SPEF2: variants seen among roughly 807,000 people sequenced by gnomAD.
SPEF2 encodes sperm flagella and cilia-associated protein 2.
In SPEF2, 187 loss-of-function variants were observed where a neutral mutation model predicts 224.6. The observed-to-expected ratio is 0.83, with a 90% CI of 0.74 to 0.94. The LOEUF is 0.94. Among genes scored for constraint, SPEF2 ranks in the 40% least tolerant of loss-of-function variants. The pLI is 0.00. For missense variants in SPEF2, 2,170 were observed against 2,135.6 expected, an observed-to-expected ratio of 1.02 and a Z score of -0.32; for synonymous variants, 715 against 707.3, an observed-to-expected ratio of 1.01 and a Z score of -0.17.
chr5:35,661,450 G>T (rs1304653135), intron 8 of SPEF2, among the ~76,000 whole-genome samples: 1 of 150,280 alleles, frequency 6.7e-6, no homozygotes, highest in Non-Finnish European at 1.5e-5. Flanking sequence ...TAAGTTCAGG[G>T]GTATAAGTGC....
At chr5:35,788,673 G>T (rs747353752) in intron 30 of SPEF2, 2 of 703,008 alleles carry the variant, frequency 2.8e-6, no homozygotes, top group South Asian at 3.0e-5. Context: ...GTTGGTTTTG[G>T]AAGTGATGGT....
At chr5:35,709,225 A>G in intron 19 of SPEF2, 104 bp downstream of exon 19, 1 of 1,533,112 alleles carries the variant, frequency 6.5e-7, no homozygotes, top group Non-Finnish European at 8.7e-7. Context: ...GGGCAACTTC[A>G]ATCATATGAA....
At chr5:35,702,412 T>C (rs1738832443) in intron 16 of SPEF2, 1 of 429,618 alleles carries the variant, frequency 2.3e-6, no homozygotes, top group Non-Finnish European at 4.7e-6. Flanking sequence ...TGCATTGGAA[T>C]GGAAGAGGAG....
chr5:35,767,618 A>G (rs1561332688), intron 26 of SPEF2, among the ~76,000 whole-genome samples: 1 of 152,110 alleles, frequency 6.6e-6, no homozygotes, highest in Non-Finnish European at 1.5e-5. Context: ...CAAAGAAAAG[A>G]GGGCAGAAAA....
rs752363740 is a variant in SPEF2 at position 35,705,753 on chromosome 5, A to G, written c.2610A>G (p.Leu870=). The G allele has an allele frequency of 1.3e-5, 21 of 1,555,832 alleles. No homozygotes were observed. The highest frequency in any genetic ancestry group is 1.8e-5 in the Non-Finnish European group (21 of 1,145,284). The change falls in exon 18 of 37, where the codon TTA becomes TTG. Residue 870 remains leucine, a synonymous_variant. Transcript: ENST00000356031. ...ATGCTGAAATAGATAAGGAATCTTT[A>G]TGTGAAAAAGTAAAAGAAATTCTTA... The part of the protein sequence containing the change: ...KINAEIDKES[L]CEKVKEILTT...
In SPEF2 at chr5:35,763,569, C is replaced by G. The variant is rs557514205; in HGVS notation, c.3668C>G (p.Pro1223Arg). 1 of 1,612,432 alleles carries G rather than the reference C, an allele frequency of 6.2e-7. No individual in the cohort carries two copies. Among genetic ancestry groups the G allele is most frequent in the East Asian group, 2.2e-5 (1 of 44,820 alleles). The change falls in exon 26 of 37, where the codon CCC becomes CGC. Residue 1223 changes from proline (P) to arginine (R), a missense_variant. Transcript: ENST00000356031. ...RISISLETVT[P>R]KPKTKSVLKG... ...TCCATTTCTCTGGAAACAGTTACAC[C>G]CAAACCAAAAACAAAATCAGTACTG...
chr5:35,734,744 A>C (rs1580503113), intron 21 of SPEF2, among the ~76,000 whole-genome samples: 4 of 118,446 alleles, frequency 3.4e-5, no homozygotes, highest in Admixed American at 2.3e-4. Context: ...ACAGAGTCTC[A>C]CTCTGTCACC....
chr5:35,629,190 G>A (rs1357223434), intron 2 of SPEF2, among the ~76,000 whole-genome samples: 1 of 87,932 alleles, frequency 1.1e-5, no homozygotes, highest in Non-Finnish European at 2.0e-5. Context: ...GACTTGCTCT[G>A]TTGCCCAGGT....
At chr5:35,691,350 C>T (rs1227828953) in intron 11 of SPEF2, 94 bp downstream of exon 11, 1 of 955,758 alleles carries the variant, frequency 1.0e-6, no homozygotes, top group African/African-American at 1.6e-5. Context: ...ATACAAGAAG[C>T]ACTGCTGATA....
chr5:35,714,560 A>G (rs1348990444), intron 20 of SPEF2, among the ~76,000 whole-genome samples: 1 of 151,558 alleles, frequency 6.6e-6, no homozygotes, highest in Admixed American at 6.6e-5. Context: ...TGACATTCGT[A>G]TTTGGTATTT....
In SPEF2 at chr5:35,712,854, G is replaced by A. The variant is rs776530795; in HGVS notation, c.2882G>A (p.Gly961Glu). ...GKQESLQEGKGKKGETALKRK... is the reference protein window; with the variant it reads ...GKQESLQEGKEKKGETALKRK... ...CAAGAATCTCTTCAGGAAGGAAAAG[G>A]GAAGAAAGGTGAGACCGCACTCAAA... Residue 961 changes from glycine (G) to glutamate (E), a missense_variant, in exon 20 of 37, where the codon GGG (glycine) becomes GAG (glutamate). Physicochemically the swap from Gly to Glu is moderately conservative, Grantham distance 98. Transcript: ENST00000356031. The A allele has an allele frequency of 6.2e-7, 1 of 1,613,712 alleles. No homozygotes were observed. Among genetic ancestry groups the A allele is most frequent in the Admixed American group, 1.7e-5 (1 of 60,000 alleles).
At chr5:35,775,837 G>A (rs998144488) in intron 28 of SPEF2, among the ~76,000 whole-genome samples, 4 of 152,238 alleles carry the variant, frequency 2.6e-5, no homozygotes, top group African/African-American at 7.2e-5. Flanking sequence ...TGCCAGGATC[G>A]GTAATAGGCC....
At chr5:35,780,775 T>G (rs1181908462) in intron 30 of SPEF2, among the ~76,000 whole-genome samples, 1 of 152,174 alleles carries the variant, frequency 6.6e-6, no homozygotes, top group Non-Finnish European at 1.5e-5. Context: ...TACACTCTGG[T>G]GACTGGGAGG....
At chr5:35,768,900 T>A (rs1444889618) in intron 26 of SPEF2, among the ~76,000 whole-genome samples, 1 of 152,200 alleles carries the variant, frequency 6.6e-6, no homozygotes, top group African/African-American at 2.4e-5. Flanking sequence ...CACAGCAGTT[T>A]TACCAGGAGC....
rs116285704 is a variant in SPEF2 at position 35,719,136 on chromosome 5, A to C, written c.2914+6250A>C. 1.5e-3 allele frequency among the ~76,000 whole-genome samples: 231 copies of C among 152,288 alleles called. 2 individuals are homozygous for C. Among genetic ancestry groups the C allele is most frequent in the African/African-American group, 5.4e-3 (223 of 41,556 alleles). ...GAGGATTTGCAGGATAATTGCTTAG[A>C]ACTAGAATATCGATCCAGATTTTTA... On this transcript the variant is annotated intron_variant, in intron 20 of 36. Coordinates refer to ENST00000356031, the MANE Select transcript of SPEF2 (RefSeq NM_024867.4).
At chr5:35,659,864 C>T (rs1338346705) in intron 8 of SPEF2, among the ~76,000 whole-genome samples, 2 of 150,546 alleles carry the variant, frequency 1.3e-5, no homozygotes, top group Admixed American at 1.3e-4. Flanking sequence ...AACTAGACAC[C>T]ATTAGTCTTT....
At chr5:35,717,205 A>G (rs957825674) in intron 20 of SPEF2, among the ~76,000 whole-genome samples, 2 of 151,888 alleles carry the variant, frequency 1.3e-5, no homozygotes, top group African/African-American at 2.4e-5. Flanking sequence ...TTTTTTTTCT[A>G]TAACAATGTG....
Position 35,654,663 on chromosome 5 carries a change from G to A in SPEF2, c.915G>A (p.Glu305=). The change falls in exon 7 of 37, where the codon GAG becomes GAA. Residue 305 remains glutamate (E), a synonymous_variant. Transcript: ENST00000356031. ...TTGAAGAAGATGCTTTTGCACGAGAGCAAAGGGAGAAAAGACGGCGGAAAT... is the reference window on the plus strand; with the variant it reads ...TTGAAGAAGATGCTTTTGCACGAGAACAAAGGGAGAAAAGACGGCGGAAAT... ...KRLEEDAFAR[E]QREKRRRKLL... 1 of 1,613,770 alleles carries A rather than the reference G, an allele frequency of 6.2e-7. No homozygotes were observed. Among genetic ancestry groups the A allele is most frequent in the Non-Finnish European group, 8.5e-7 (1 of 1,179,964 alleles).
chr5:35,649,494 G>A (rs1747886642), intron 6 of SPEF2, 69 bp downstream of exon 6: 22 of 1,223,588 alleles, frequency 1.8e-5, no homozygotes, highest in African/African-American at 3.0e-5. Context: ...TGAATATTTA[G>A]AAATAGTTTA....
Sources: allele counts gnomAD v4.1 joint callset (sites outside exome capture counted in the v4.1 genomes callset), GRCh38; gene constraint gnomAD v4.1.1; transcripts MANE v1.5; gene names NCBI Gene and HGNC (gene_info 2026-07-23, HGNC 2026-07-21).